SSPN: variants seen among roughly 807,000 people sequenced by gnomAD.
SSPN encodes the protein sarcospan, also known as K-ras oncogene-associated protein.
SSPN carries 15 observed loss-of-function variants against 19.1 expected under a neutral mutation model. That is an observed-to-expected ratio of 0.78 (90% CI 0.52 to 1.21). The LOEUF (loss-of-function observed/expected upper bound fraction) is 1.21. Among genes scored for constraint, SSPN ranks in the 50% most tolerant of loss-of-function variants. The probability of loss-of-function intolerance (pLI) is 0.00; values close to 1 mark genes in which losing one functional copy is unlikely to be tolerated. For missense variants in SSPN, 291 were observed against 314.0 expected, an observed-to-expected ratio of 0.93 and a Z score of 0.55; for synonymous variants, 147 against 140.3, an observed-to-expected ratio of 1.05 and a Z score of -0.34.
intron 1 of SSPN, among the ~76,000 whole-genome samples, chr12:26,198,688 G>A (rs147196961): frequency 0.018 from 2,717 of 152,210 alleles, 47 homozygotes; most frequent in Middle Eastern, 0.034. Context: ...CAGTTTTGCC[G>A]TCTCACCTTT....
chr12:26,125,183 G>C (rs970076235), intron 1 of SSPN: 1 of 344,232 alleles, frequency 2.9e-6, no homozygotes, highest in African/African-American at 2.1e-5. Context: ...GAAGGCGAAC[G>C]GCAGGAGGGG....
intron 1 of SSPN, among the ~76,000 whole-genome samples, chr12:26,200,136 A>C (rs948572036): frequency 4.6e-5 from 7 of 152,156 alleles, no homozygotes; most frequent in African/African-American, 1.7e-4. Context: ...TATGCTTTTT[A>C]GCTTCCCCCA....
intron 1 of SSPN, among the ~76,000 whole-genome samples, chr12:26,170,709 T>C (rs1944649078): frequency 6.6e-6 from 1 of 152,228 alleles, no homozygotes; most frequent in South Asian, 2.1e-4. Context: ...AATCTGATAT[T>C]TTGTGTTTTG....
chr12:26,203,526 T>C (rs1305256506), intron 1 of SSPN, among the ~76,000 whole-genome samples: 1 of 152,224 alleles, frequency 6.6e-6, no homozygotes, highest in Non-Finnish European at 1.5e-5. Flanking sequence ...CTCTTTCAGA[T>C]GCTTTGGATG....
chr12:26,203,021 A>G (rs571913307), intron 1 of SSPN, among the ~76,000 whole-genome samples: 98 of 152,318 alleles, frequency 6.4e-4, no homozygotes, highest in African/African-American at 2.4e-3. Flanking sequence ...GAGAGAGAGC[A>G]CTGGGGAAAC....
chr12:26,142,320 G>A (rs1199719374), intron 1 of SSPN, among the ~76,000 whole-genome samples: 4 of 152,154 alleles, frequency 2.6e-5, no homozygotes, highest in Non-Finnish European at 5.9e-5. Flanking sequence ...GGGACGATAT[G>A]GCCATTTTCA....
chr12:26,171,016 T>C (rs913111062), intron 1 of SSPN, among the ~76,000 whole-genome samples: 63 of 152,186 alleles, frequency 4.1e-4, no homozygotes, highest in Non-Finnish European at 1.3e-4. Flanking sequence ...ATTAAGTAAA[T>C]TGGTCAAAAA....
At chr12:26,175,087 A>G (rs1313414347) in intron 1 of SSPN, among the ~76,000 whole-genome samples, 1 of 152,216 alleles carries the variant, frequency 6.6e-6, no homozygotes, top group Admixed American at 6.5e-5. Flanking sequence ...GCGAGGTCAT[A>G]TGATAGACGT....
chr12:26,149,333 C>CAATTCCTTGTATTTGTATA, intron 1 of SSPN, among the ~76,000 whole-genome samples: 1 of 152,160 alleles, frequency 6.6e-6, no homozygotes, highest in African/African-American at 2.4e-5. Context: ...TATACATCTA[C>CAATTCCTTGTATTTGTATA]CATACTGGTG....
chr12:26,128,424 C>T (rs1016229025), intron 1 of SSPN, among the ~76,000 whole-genome samples: 1 of 152,188 alleles, frequency 6.6e-6, no homozygotes, highest in African/African-American at 2.4e-5. Context: ...TCCTAATTAA[C>T]TCTTATAATT....
intron 1 of SSPN, among the ~76,000 whole-genome samples, chr12:26,183,000 A>G (rs898636508): frequency 6.6e-6 from 1 of 152,128 alleles, no homozygotes. Context: ...TCTTGACCCC[A>G]AGTGATCCGC....
Position 26,232,295 on chromosome 12 carries a change from G to A in SSPN, c.*1219G>A, listed in dbSNP as rs1445594726. On this transcript the variant is annotated 3_prime_UTR_variant, in exon 3 of 3. Coordinates refer to ENST00000242729, the MANE Select transcript of SSPN (RefSeq NM_005086.5). ...GAGCAATATGGCCTTGACTTGGAGG[G>A]TAGTTTTAGTTGTTTTGTTTTTAAG... 1.0e-6 allele frequency: 1 copy of A among 985,278 alleles called. No individual in the cohort carries two copies. Among genetic ancestry groups the A allele is most frequent in the African/African-American group, 1.7e-5 (1 of 57,228 alleles). 61.0% of individuals were successfully genotyped at this position (985,278 alleles called of 1,614,324 possible).
In SSPN at chr12:26,174,817, G is replaced by A. The variant is rs140431974; in HGVS notation, c.-30-49476G>A. On this transcript the variant is annotated intron_variant, in intron 1 of 2. Coordinates refer to the SSPN transcript ENST00000538142. Reference sequence around the variant, plus strand: ...ATTACAGGCGTGAGCCACCGTGCCCGGCCTCCCCCTACCATTTCTAGAAAC... The same window carrying A: ...ATTACAGGCGTGAGCCACCGTGCCCAGCCTCCCCCTACCATTTCTAGAAAC... 4.3e-3 allele frequency among the ~76,000 whole-genome samples: 660 copies of A among 152,094 alleles called. 2 individuals are homozygous for A. Among genetic ancestry groups the A allele is most frequent in the African/African-American group, 0.016 (648 of 41,484 alleles).
chr12:26,134,524 C>G (rs1944414391), intron 1 of SSPN, among the ~76,000 whole-genome samples: 1 of 152,236 alleles, frequency 6.6e-6, no homozygotes, highest in Non-Finnish European at 1.5e-5. Flanking sequence ...GTGTCTAGGA[C>G]AGTGTTGAGC....
chr12:26,122,876 G>A lies in SSPN; in HGVS notation c.-31+724G>A, dbSNP rs371836958. 22 of 1,557,000 alleles carry A rather than the reference G, an allele frequency of 1.4e-5. 2 individuals carry two copies. The Middle Eastern group carries it at 7.7e-4, about 54-fold the overall frequency. ...GGATGACGGGCACGCAGTAGGCGAG[G>A]GGCTCCAGCTTCTGCCCCGCGCGCT... is the stretch of plus-strand genomic sequence containing the variant. On this transcript the variant is annotated intron_variant, in intron 1 of 2. Transcript: ENST00000538142.
intron 1 of SSPN, among the ~76,000 whole-genome samples, chr12:26,189,629 T>C (rs769203754): frequency 3.9e-5 from 6 of 152,188 alleles, no homozygotes; most frequent in Non-Finnish European, 8.8e-5. Flanking sequence ...TGACTTTATA[T>C]TGTCCCTTTA....
At chr12:26,190,539 T>G (rs1211632039), upstream of SSPN, among the ~76,000 whole-genome samples, 1 of 152,152 alleles carries the variant, frequency 6.6e-6, no homozygotes, top group East Asian at 1.9e-4. Context: ...TGTGTGCTGT[T>G]TGAATATTTG....
Position 26,231,190 on chromosome 12 carries a change from C to T in SSPN, c.*114C>T. On this transcript the variant is annotated 3_prime_UTR_variant, in exon 3 of 3. Transcript: ENST00000242729. ...AAAATTGACAATAAAAGTCACTCTT[C>T]TAATTGAATATTTTTATATTTTTAT... The T allele has an allele frequency of 7.7e-7, 1 of 1,303,040 alleles. No homozygotes were observed. The highest frequency in any genetic ancestry group is 1.0e-6 in the Non-Finnish European group (1 of 991,044). The allele number at this position is 1,303,040 out of a possible 1,614,324, so 80.7% of individuals were successfully genotyped here.
chr12:26,156,450 AG>A (rs1290195603), intron 1 of SSPN, among the ~76,000 whole-genome samples: 3 of 152,196 alleles, frequency 2.0e-5, no homozygotes, highest in Non-Finnish European at 4.4e-5. Context: ...GAAATGAGAA[AG>A]GGAGGACCAC....
Sources: gnomAD v4.1 joint callset for allele counts (sites outside exome capture counted in the v4.1 genomes callset) on GRCh38, gnomAD v4.1.1 for gene constraint, MANE v1.5 for transcripts, NCBI Gene and HGNC (gene_info 2026-07-23, HGNC 2026-07-21) for gene names.